Variants in GLIS3 observed in about 807,000 individuals in gnomAD.
The protein encoded by GLIS3 is zinc finger protein GLIS3.
In GLIS3, 53 loss-of-function variants were observed where a neutral mutation model predicts 78.6. The observed-to-expected ratio is 0.67, with a 90% CI of 0.54 to 0.85. The LOEUF (loss-of-function observed/expected upper bound fraction) is 0.85. Ranked by LOEUF, GLIS3 falls within the 40% of genes least tolerant of loss-of-function variation. The probability of loss-of-function intolerance (pLI) is 0.00; values close to 1 mark genes in which losing one functional copy is unlikely to be tolerated. For missense variants in GLIS3, 1,703 were observed against 1,231.1 expected, an observed-to-expected ratio of 1.38 and a Z score of -5.74; for synonymous variants, 684 against 509.9, an observed-to-expected ratio of 1.34 and a Z score of -4.60.
chr9:3,838,548 G>T (rs1563763334), intron 9 of GLIS3, among the ~76,000 whole-genome samples: 1 of 152,212 alleles, frequency 6.6e-6, no homozygotes, highest in Non-Finnish European at 1.5e-5. Flanking sequence ...ACAACAGCAA[G>T]TATAAGAAGA....
the GLIS3 span, among the ~76,000 whole-genome samples, chr9:4,435,936 C>A: frequency 6.6e-6 from 1 of 151,652 alleles, no homozygotes; most frequent in Non-Finnish European, 1.5e-5. Flanking sequence ...GTGACAGAGC[C>A]AGACTCCGTC....
the GLIS3 span, among the ~76,000 whole-genome samples, chr9:4,411,277 G>C: frequency 6.6e-6 from 1 of 151,924 alleles, no homozygotes; most frequent in Admixed American, 6.6e-5. Context: ...TCCTTCACTT[G>C]GTGCAAACAT....
intron 2 of GLIS3, among the ~76,000 whole-genome samples, chr9:4,319,534 C>CTT (rs5896062): frequency 1.7e-3 from 253 of 150,562 alleles, no homozygotes; most frequent in Middle Eastern, 3.4e-3. Context: ...AATACTAACA[C>CTT]TTTTTTTTTT....
rs536245566 is a variant in GLIS3, at chr9:3,919,678, T to A, written c.1983+12682A>T. Among the ~76,000 whole-genome samples, 58 of 148,592 alleles carry A rather than the reference T, an allele frequency of 3.9e-4. 1 individual carries two copies. The highest frequency in any genetic ancestry group is 1.3e-3 in the African/African-American group (54 of 40,542). Reference sequence around the variant, plus strand: ...AAAAAAAATTAAAAATAAAAAAAAATAATAAAATGAAATGAAATGGGATCA... The same window carrying A: ...AAAAAAAATTAAAAATAAAAAAAAAAAATAAAATGAAATGAAATGGGATCA... On this transcript the variant is annotated intron_variant, in intron 6 of 10. Coordinates refer to ENST00000381971, the MANE Select transcript of GLIS3 (RefSeq NM_001042413.2).
chr9:4,471,654 T>C, the GLIS3 span, among the ~76,000 whole-genome samples: 1 of 152,138 alleles, frequency 6.6e-6, no homozygotes, highest in Non-Finnish European at 1.5e-5. Flanking sequence ...ATAAAAACCC[T>C]AGAAGAAAAC....
chr9:4,210,178 C>A (rs1820260483), intron 2 of GLIS3, among the ~76,000 whole-genome samples: 1 of 152,124 alleles, frequency 6.6e-6, no homozygotes, highest in East Asian at 1.9e-4. Context: ...AGCCTAATTC[C>A]AGTAATAGAA....
chr9:4,164,583 T>C (rs567509093), intron 2 of GLIS3, among the ~76,000 whole-genome samples: 2 of 152,284 alleles, frequency 1.3e-5, no homozygotes, highest in South Asian at 2.1e-4. Flanking sequence ...GCTGCCTTCA[T>C]CTTCACCAAA....
intron 4 of GLIS3, among the ~76,000 whole-genome samples, chr9:4,004,344 G>C (rs1821368842): frequency 1.3e-5 from 2 of 152,156 alleles, no homozygotes; most frequent in South Asian, 4.1e-4. Flanking sequence ...TAACAGATTG[G>C]ATGGAAGTGA....
chr9:4,414,560 T>C, the GLIS3 span, among the ~76,000 whole-genome samples: 1 of 152,218 alleles, frequency 6.6e-6, no homozygotes, highest in Non-Finnish European at 1.5e-5. Flanking sequence ...ATAGCTTTTA[T>C]CCTGCCTGCT....
At chr9:3,900,311 C>T (rs1050600187) in intron 6 of GLIS3, among the ~76,000 whole-genome samples, 15 of 149,580 alleles carry the variant, frequency 1.0e-4, no homozygotes, top group Non-Finnish European at 2.2e-4. Flanking sequence ...TAAAAAAAAA[C>T]AGTAATGAAG....
the GLIS3 span, among the ~76,000 whole-genome samples, chr9:4,370,562 A>G: frequency 6.6e-6 from 1 of 152,184 alleles, no homozygotes. Context: ...TCTCTGGATC[A>G]TGATAGATCT....
intron 2 of GLIS3, among the ~76,000 whole-genome samples, chr9:4,151,431 C>G (rs910276279): frequency 1.3e-5 from 2 of 152,138 alleles, no homozygotes; most frequent in African/African-American, 2.4e-5. Context: ...GTAAATCTGC[C>G]ACTGAACCAA....
chr9:4,361,161 C>G, the GLIS3 span, among the ~76,000 whole-genome samples: 3 of 152,296 alleles, frequency 2.0e-5, no homozygotes, highest in South Asian at 6.2e-4. Context: ...CAGCTGCCAG[C>G]TGTCCCTCTT....
At chr9:3,922,190 A>C (rs1824936249) in intron 6 of GLIS3, among the ~76,000 whole-genome samples, 1 of 152,242 alleles carries the variant, frequency 6.6e-6, no homozygotes, top group South Asian at 2.1e-4. Flanking sequence ...TGGTTAAGTG[A>C]AATGCAGTGT....
chr9:3,844,600 G>T (rs1264438186), intron 9 of GLIS3, among the ~76,000 whole-genome samples: 1 of 152,110 alleles, frequency 6.6e-6, no homozygotes, highest in Non-Finnish European at 1.5e-5. Context: ...AAGTCATGAT[G>T]GTCAATGATA....
At chr9:4,097,361 C>T (rs1316662757) in intron 4 of GLIS3, among the ~76,000 whole-genome samples, 1 of 151,994 alleles carries the variant, frequency 6.6e-6, no homozygotes, top group African/African-American at 2.4e-5. Context: ...GAAGAAGGAA[C>T]AGGGAAACAC....
At position 4,118,725 on chromosome 9, in the gene GLIS3, G is replaced by C. The variant is rs889980946; in HGVS notation, c.753C>G (p.Leu251=). The C allele has an allele frequency of 2.5e-6, 4 of 1,613,898 alleles. No individual in the cohort carries two copies. The African/African-American group carries it at 4.0e-5, about 16-fold the overall frequency. The stretch of plus-strand genomic sequence containing the variant: ...TGGATGTCCCGGGAGGAAGGCTAAG[G>C]AGATCCCCTAGATCAAGGCCATTCT... ...GSQNGLDLGD[L]LSLPPGTSMS... Residue 251 remains leucine, a synonymous_variant, in exon 4 of 11, where the codon CTC becomes CTG. Transcript: ENST00000381971. This position sits in a 1 kb window ranked among gnomAD's most constrained non-coding sequence, Gnocchi z 4.7.
intron 2 of GLIS3, among the ~76,000 whole-genome samples, chr9:4,191,182 A>G (rs2064985): frequency 2.0e-5 from 3 of 149,788 alleles, no homozygotes; most frequent in Non-Finnish European, 4.5e-5. Context: ...CACACATAAC[A>G]ATATTAACTT....
intron 4 of GLIS3, among the ~76,000 whole-genome samples, chr9:4,043,908 A>G (rs1825036525): frequency 6.6e-6 from 1 of 152,216 alleles, no homozygotes; most frequent in African/African-American, 2.4e-5. Context: ...CAGATATATC[A>G]GCTGCAAGAG....
Sources: allele counts gnomAD v4.1 joint callset (sites outside exome capture counted in the v4.1 genomes callset), GRCh38; gene constraint gnomAD v4.1.1; non-coding constraint Gnocchi (gnomAD v3.1); transcripts MANE v1.5; gene names NCBI Gene and HGNC (gene_info 2026-07-23, HGNC 2026-07-21).